The following PRKCB variants were observed in gnomAD, a reference collection of about 807,000 sequenced individuals.
PRKCB encodes protein kinase C beta type.
Under a neutral mutation model 81.5 loss-of-function variants are expected in PRKCB, and 13 were observed. The ratio of observed to expected loss-of-function variants is 0.16; its 90% confidence interval spans 0.10 to 0.25. The LOEUF is 0.25. PRKCB is among the 10% of genes least tolerant of loss of function. The pLI is 1.00. For missense variants in PRKCB, 509 were observed against 875.7 expected, an observed-to-expected ratio of 0.58 and a Z score of 5.29; for synonymous variants, 335 against 321.4, an observed-to-expected ratio of 1.04 and a Z score of -0.45.
intron 7 of PRKCB, among the ~76,000 whole-genome samples, chr16:24,104,587 A>G (rs392803): frequency 0.64 from 97,471 of 152,062 alleles, 31,566 homozygotes; most frequent in African/African-American, 0.73. Flanking sequence ...GAGTGGAGAC[A>G]TTCAGATTTT....
At chr16:23,888,405 C>A (rs1963238300) in intron 2 of PRKCB, among the ~76,000 whole-genome samples, 1 of 152,190 alleles carries the variant, frequency 6.6e-6, no homozygotes, top group Non-Finnish European at 1.5e-5. Flanking sequence ...TCCTCATGGG[C>A]TGTAGCAGGG....
At chr16:24,180,443 G>A (rs922671526) in intron 12 of PRKCB, among the ~76,000 whole-genome samples, 6 of 152,072 alleles carry the variant, frequency 3.9e-5, no homozygotes, top group Non-Finnish European at 5.9e-5. Flanking sequence ...TCTTTAAGTG[G>A]CAAAGGAAAA....
rs919421272 is a variant in PRKCB at position 24,002,258 on chromosome 16, CG to C, written c.288+13670del. Among the ~76,000 whole-genome samples the C allele has an allele frequency of 1.0e-3, 158 of 152,140 alleles. 1 individual carries two copies. The highest frequency in any genetic ancestry group is 3.7e-3 in the African/African-American group (152 of 41,506). ...CCTCCACCAGGCTAGCTTAGTTTCA[CG>C]GTTCCAAGCACGGCAAGAGAGGGAA... On this transcript the variant is annotated intron_variant, in intron 3 of 16. Coordinates refer to ENST00000643927, the MANE Select transcript of PRKCB (RefSeq NM_002738.7).
At chr16:23,846,535 G>A (rs12922225) in intron 2 of PRKCB, among the ~76,000 whole-genome samples, 69,367 of 149,008 alleles carry the variant, frequency 0.47, 17,255 homozygotes, top group East Asian at 0.61. Flanking sequence ...GCTTGAACCC[G>A]GGAGGCAGAG....
intron 16 of PRKCB, chr16:24,191,574 C>A (rs142556343): frequency 7.0e-4 from 125 of 179,806 alleles, no homozygotes; most frequent in African/African-American, 2.9e-3. Flanking sequence ...TAATTTTGCC[C>A]TCATTCTTTC....
At chr16:23,866,460 G>A (rs8060718) in intron 2 of PRKCB, among the ~76,000 whole-genome samples, 147,210 of 152,306 alleles carry the variant, frequency 0.97, 71,177 homozygotes, top group East Asian at 1. Flanking sequence ...CTCTTTTGAC[G>A]TCTCAATTTA....
Position 24,216,940 on chromosome 16 carries a change from C to T in PRKCB, c.*2124C>T. On this transcript the variant is annotated 3_prime_UTR_variant, in exon 17 of 17. Coordinates refer to ENST00000643927, the MANE Select transcript of PRKCB (RefSeq NM_002738.7). The stretch of plus-strand genomic sequence containing the variant: ...GGCAGCAGACATCTCTGAGCCAGGC[C>T]CACCAACAGGCCCTTATCTGGTGGT... 2.0e-6 allele frequency: 2 copies of T among 985,380 alleles called. No homozygotes were observed. The highest frequency in any genetic ancestry group is 2.4e-6 in the Non-Finnish European group (2 of 829,928). The allele number at this position is 985,380 out of a possible 1,614,324, so 61.0% of individuals were successfully genotyped here. A position where few individuals can be genotyped will look rare whatever the true frequency, so the allele number is the denominator to read the frequency against.
intron 5 of PRKCB, among the ~76,000 whole-genome samples, chr16:24,036,577 G>T (rs1194410106): frequency 6.6e-6 from 1 of 152,158 alleles, no homozygotes; most frequent in Non-Finnish European, 1.5e-5. Context: ...TGAGCCCTGG[G>T]TTGCGGAGGG....
chr16:23,912,433 G>A (rs538602291), intron 2 of PRKCB, among the ~76,000 whole-genome samples: 9 of 150,554 alleles, frequency 6.0e-5, no homozygotes, highest in African/African-American at 2.2e-4. Flanking sequence ...CCTGATGCTT[G>A]CCCTGCTTGC....
chr16:24,042,620 C>A (rs1242488109), intron 5 of PRKCB, among the ~76,000 whole-genome samples: 1 of 152,046 alleles, frequency 6.6e-6, no homozygotes, highest in African/African-American at 2.4e-5. Context: ...CTGCAGACAC[C>A]AATTCGATTT....
chr16:24,110,306 G>A (rs1288539771), intron 7 of PRKCB, among the ~76,000 whole-genome samples: 1 of 151,472 alleles, frequency 6.6e-6, no homozygotes, highest in Admixed American at 6.6e-5. Flanking sequence ...CTGCCTCCCG[G>A]GTTCAAGCGA....
At chr16:24,102,301 C>T (rs1966519354) in intron 7 of PRKCB, among the ~76,000 whole-genome samples, 1 of 152,200 alleles carries the variant, frequency 6.6e-6, no homozygotes, top group Admixed American at 6.5e-5. Flanking sequence ...AAATAAAAGC[C>T]CTCTGCAGAT....
intron 15 of PRKCB, among the ~76,000 whole-genome samples, chr16:24,189,534 CG>C (rs920870138): frequency 1.3e-5 from 2 of 149,520 alleles, no homozygotes; most frequent in East Asian, 4.0e-4. Flanking sequence ...CCCAGCTACT[CG>C]GGAGGCTGAG....
intron 2 of PRKCB, among the ~76,000 whole-genome samples, chr16:23,954,870 G>A (rs118095688): frequency 1.3e-3 from 202 of 152,260 alleles, no homozygotes; most frequent in African/African-American, 4.7e-3. Context: ...TGGACAACAC[G>A]ATGAAACCCT....
chr16:24,091,561 C>G (rs12925014), intron 5 of PRKCB, among the ~76,000 whole-genome samples: 8,386 of 152,196 alleles, frequency 0.055, 676 homozygotes, highest in African/African-American at 0.18. Context: ...CTCATCCTTT[C>G]TATAGCCAGT....
chr16:24,070,943 C>A (rs1966099993), intron 5 of PRKCB, among the ~76,000 whole-genome samples: 1 of 152,130 alleles, frequency 6.6e-6, no homozygotes. Flanking sequence ...CAGATGAAGT[C>A]AGGAAAGGCT....
At chr16:23,912,293 A>T (rs1963670602) in intron 2 of PRKCB, among the ~76,000 whole-genome samples, 1 of 152,012 alleles carries the variant, frequency 6.6e-6, no homozygotes, top group Admixed American at 6.6e-5. Context: ...ACTTGAGGGT[A>T]GCATCTATAT....
intron 2 of PRKCB, among the ~76,000 whole-genome samples, chr16:23,896,883 ACCAT>A (rs55662090): frequency 0.12 from 18,159 of 149,116 alleles, 1,214 homozygotes; most frequent in Middle Eastern, 0.23. Flanking sequence ...CATCCATCCA[ACCAT>A]CCATCCATCC....
At chr16:23,963,647 G>A (rs1964452899) in intron 2 of PRKCB, 1 of 152,136 alleles carries the variant, frequency 6.6e-6, no homozygotes, top group South Asian at 2.1e-4. Context: ...TGTCACTAGG[G>A]TGCCGAGGTG....
Sources: allele counts gnomAD v4.1 joint callset (sites outside exome capture counted in the v4.1 genomes callset), GRCh38; gene constraint gnomAD v4.1.1; transcripts MANE v1.5; gene names NCBI Gene and HGNC (gene_info 2026-07-23, HGNC 2026-07-21).